Variants in LRRC63 observed in about 807,000 individuals in gnomAD.
LRRC63 encodes the protein leucine-rich repeat-containing protein 63.
LRRC63 carries 40 observed loss-of-function variants against 49.5 expected under a neutral mutation model. That is an observed-to-expected ratio of 0.81 (90% CI 0.63 to 1.05). The LOEUF is 1.05. Ranked by LOEUF, LRRC63 falls within the 50% of genes least tolerant of loss-of-function variation. The pLI, the probability that LRRC63 is intolerant of heterozygous loss-of-function variation, is 0.00. For missense variants in LRRC63, 636 were observed against 663.1 expected, an observed-to-expected ratio of 0.96 and a Z score of 0.45; for synonymous variants, 191 against 221.1, an observed-to-expected ratio of 0.86 and a Z score of 1.21.
At chr13:46,245,346 G>A (rs1332336094) in intron 5 of LRRC63, among the ~76,000 whole-genome samples, 6 of 152,036 alleles carry the variant, frequency 3.9e-5, no homozygotes, top group African/African-American at 7.2e-5. Context: ...TAACTCCAGC[G>A]ACTAACTTGA....
At chr13:46,261,600 C>G (rs1004807810) in intron 7 of LRRC63, among the ~76,000 whole-genome samples, 1 of 151,988 alleles carries the variant, frequency 6.6e-6, no homozygotes, top group Non-Finnish European at 1.5e-5. Context: ...TTTAAGCCAC[C>G]CAGATTATGG....
At chr13:46,272,196 C>T (rs756348025) in intron 9 of LRRC63, among the ~76,000 whole-genome samples, 2 of 152,096 alleles carry the variant, frequency 1.3e-5, no homozygotes, top group African/African-American at 2.4e-5. Flanking sequence ...TGCTTATTTA[C>T]GGGATTTTTC....
intron 4 of LRRC63, among the ~76,000 whole-genome samples, chr13:46,231,178 C>G (rs955039600): frequency 2.0e-5 from 3 of 152,228 alleles, no homozygotes; most frequent in South Asian, 2.1e-4. Context: ...TAGAAACTTC[C>G]AACCTCTGCC....
exon 2 of LRRC63, chr13:46,213,089 C>T: frequency 1.3e-6 from 2 of 1,549,550 alleles, no homozygotes; most frequent in African/African-American, 2.7e-5. Flanking sequence ...ATTCACTAAG[C>T]TGTCTTTACA....
chr13:46,246,053 T>C (rs557444342), intron 5 of LRRC63, among the ~76,000 whole-genome samples: 4 of 152,242 alleles, frequency 2.6e-5, no homozygotes, highest in African/African-American at 9.6e-5. Context: ...GTTCTCCTGA[T>C]AGCAAGCGAG....
intron 4 of LRRC63, 111 bp from the exon 5 acceptor site, chr13:46,234,081 A>C: frequency 2.0e-6 from 2 of 1,002,846 alleles, no homozygotes; most frequent in Non-Finnish European, 2.9e-6. Flanking sequence ...GGATGTGTAC[A>C]CTTAAGTCCT....
intron 2 of LRRC63, among the ~76,000 whole-genome samples, chr13:46,225,856 C>A (rs2046558526): frequency 6.6e-6 from 1 of 152,192 alleles, no homozygotes; most frequent in Non-Finnish European, 1.5e-5. Flanking sequence ...ATATAGTGTA[C>A]AATCAGACTG....
intron 6 of LRRC63, among the ~76,000 whole-genome samples, chr13:46,248,271 T>C (rs1350942394): frequency 2.0e-5 from 3 of 152,006 alleles, no homozygotes; most frequent in Non-Finnish European, 4.4e-5. Context: ...AATCCAATCA[T>C]GTCAATAATA....
At chr13:46,250,074 G>A (rs2047335524) in intron 6 of LRRC63, 1 of 188,884 alleles carries the variant, frequency 5.3e-6, no homozygotes, top group South Asian at 1.8e-4. Context: ...ATGAAACCGT[G>A]AGCTTGATCA....
At chr13:46,214,863 T>C (rs2046202524) in intron 2 of LRRC63, among the ~76,000 whole-genome samples, 1 of 152,172 alleles carries the variant, frequency 6.6e-6, no homozygotes, top group African/African-American at 2.4e-5. Context: ...ACACACAGTG[T>C]TTGGTTTTCT....
intron 5 of LRRC63, among the ~76,000 whole-genome samples, chr13:46,235,213 A>T (rs67492278): frequency 0.11 from 16,748 of 152,178 alleles, 1,116 homozygotes; most frequent in East Asian, 0.18. Flanking sequence ...AGTCGATCTG[A>T]AAAGATGAAG....
rs376827964 is a variant in LRRC63, at chr13:46,262,057, G to C, written c.1310+65G>C. ...TATATATTTAATAATGATTGTGATA[G>C]AGAAAATCAATCCTTTCATTTATTT... On this transcript the variant is annotated intron_variant, in intron 8 of 9. Coordinates refer to ENST00000595396, the Ensembl canonical transcript of LRRC63. The C allele has an allele frequency of 1.3e-4, 66 of 498,678 alleles. 1 individual carries two copies. In the South Asian group the frequency reaches 2.3e-3, roughly 17 times the overall value. The allele number at this position is 498,678 out of a possible 1,614,324, so 30.9% of individuals were successfully genotyped here.
At chr13:46,251,670 C>T (rs2047386257) in intron 7 of LRRC63, among the ~76,000 whole-genome samples, 1 of 151,802 alleles carries the variant, frequency 6.6e-6, no homozygotes, top group Non-Finnish European at 1.5e-5. Flanking sequence ...TGTGTACACA[C>T]ATATCTGTAA....
In LRRC63 at chr13:46,227,457, G is replaced by A. The variant is rs534456472; in HGVS notation, c.86-55G>A. 6 of 1,165,486 alleles carry A rather than the reference G, an allele frequency of 5.1e-6. No homozygotes were observed. In the African/African-American group the frequency reaches 9.4e-5, roughly 18 times the overall value. The allele number at this position is 1,165,486 out of a possible 1,614,324, so 72.2% of individuals were successfully genotyped here. A position where few individuals can be genotyped will look rare whatever the true frequency, so the allele number is the denominator to read the frequency against. On this transcript the variant is annotated intron_variant, in intron 2 of 9. Transcript: ENST00000595396. ...AGAAAAGTGAATGCTAAGATATTTTGTCTGTGACATATTGATAAATATAAT... is the reference window on the plus strand; with the variant it reads ...AGAAAAGTGAATGCTAAGATATTTTATCTGTGACATATTGATAAATATAAT...
chr13:46,274,691 G>T (rs1686587844), intron 9 of LRRC63, among the ~76,000 whole-genome samples: 1 of 152,254 alleles, frequency 6.6e-6, no homozygotes, highest in Admixed American at 6.5e-5. Context: ...AAGAATGATA[G>T]AAATTTTTGT....
chr13:46,223,752 A>C (rs1423374609), intron 2 of LRRC63, among the ~76,000 whole-genome samples: 2 of 152,134 alleles, frequency 1.3e-5, no homozygotes, highest in Non-Finnish European at 2.9e-5. Context: ...GCTACTTGGG[A>C]GGCTGAGGCA....
intron 1 of LRRC63, 120 bp downstream of exon 1, chr13:46,212,379 T>A (rs373002528): frequency 1.3e-5 from 2 of 152,294 alleles, no homozygotes; most frequent in South Asian, 2.1e-4. Flanking sequence ...GGGGTGCATC[T>A]TCTCGCATTA....
At chr13:46,215,112 CT>C (rs1338323447) in intron 2 of LRRC63, among the ~76,000 whole-genome samples, 5 of 152,158 alleles carry the variant, frequency 3.3e-5, no homozygotes, top group African/African-American at 1.2e-4. Context: ...ATTTATGTTC[CT>C]TTGGGAATAT....
At chr13:46,224,919 G>T (rs1423410701) in intron 2 of LRRC63, among the ~76,000 whole-genome samples, 1 of 152,206 alleles carries the variant, frequency 6.6e-6, no homozygotes, top group Non-Finnish European at 1.5e-5. Flanking sequence ...CTGGGGACAG[G>T]CCCCAAGGGT....
Sources: gnomAD v4.1 joint callset for allele counts (sites outside exome capture counted in the v4.1 genomes callset) on GRCh38, gnomAD v4.1.1 for gene constraint, MANE v1.5 for transcripts, NCBI Gene and HGNC (gene_info 2026-07-23, HGNC 2026-07-21) for gene names.